ATF6: variants seen among roughly 807,000 people sequenced by gnomAD.
The protein encoded by ATF6 is activating transcription factor 6.
ATF6 carries 53 observed loss-of-function variants against 83.6 expected under a neutral mutation model. The observed-to-expected ratio is 0.63, with a 90% CI of 0.51 to 0.80. ATF6 has a LOEUF of 0.80. ATF6 is among the 30% of genes least tolerant of loss of function. The pLI, the probability that ATF6 is intolerant of heterozygous loss-of-function variation, is 0.00. For synonymous variants in ATF6, 288 were observed against 285.8 expected, an observed-to-expected ratio of 1.01 and a Z score of -0.08; for missense variants, 744 against 797.9, an observed-to-expected ratio of 0.93 and a Z score of 0.81.
intron 7 of ATF6, among the ~76,000 whole-genome samples, chr1:161,805,451 G>GCA (rs1685255372): frequency 6.6e-6 from 1 of 152,120 alleles, no homozygotes; most frequent in Non-Finnish European, 1.5e-5. Flanking sequence ...TACTTGGCCA[G>GCA]CACATCGAGA....
chr1:161,773,512 C>T (rs1238568199), intron 1 of ATF6, among the ~76,000 whole-genome samples: 1 of 152,124 alleles, frequency 6.6e-6, no homozygotes, highest in African/African-American at 2.4e-5. Flanking sequence ...GTGATCCACC[C>T]GCCTCGGCCT....
chr1:161,951,629 C>T (rs569579890), intron 15 of ATF6, among the ~76,000 whole-genome samples: 131 of 152,256 alleles, frequency 8.6e-4, no homozygotes, highest in African/African-American at 3.0e-3. Context: ...AGTTTAATTA[C>T]ACTTTGTAAC....
At chr1:161,790,138 T>G (rs369106125) in intron 4 of ATF6, among the ~76,000 whole-genome samples, 1 of 152,204 alleles carries the variant, frequency 6.6e-6, no homozygotes, top group Non-Finnish European at 1.5e-5. Context: ...ATCTTTTAAC[T>G]TTGTTTATGG....
chr1:161,902,017 G>A (rs12033967), intron 14 of ATF6, among the ~76,000 whole-genome samples: 21,873 of 151,932 alleles, frequency 0.14, 2,154 homozygotes, highest in East Asian at 0.33. Flanking sequence ...ACATCAAGAA[G>A]GTCATACTCA....
intron 7 of ATF6, among the ~76,000 whole-genome samples, chr1:161,816,086 A>T (rs1685604615): frequency 6.6e-6 from 1 of 152,272 alleles, no homozygotes; most frequent in African/African-American, 2.4e-5. Context: ...ATAAGTGTTT[A>T]CTAAGTGAAA....
intron 6 of ATF6, among the ~76,000 whole-genome samples, chr1:161,797,111 T>G (rs1685039572): frequency 6.6e-6 from 1 of 152,182 alleles, no homozygotes; most frequent in African/African-American, 2.4e-5. Flanking sequence ...TTATATGTTT[T>G]TACTTCATAA....
At chr1:161,900,268 A>G (rs1474172778) in intron 14 of ATF6, among the ~76,000 whole-genome samples, 1 of 152,176 alleles carries the variant, frequency 6.6e-6, no homozygotes, top group African/African-American at 2.4e-5. Context: ...ACTCTCATTT[A>G]TATCAATTAG....
chr1:161,895,493 T>G (rs948213548), intron 14 of ATF6, among the ~76,000 whole-genome samples: 8 of 152,244 alleles, frequency 5.3e-5, no homozygotes, highest in Non-Finnish European at 1.2e-4. Context: ...TTGATAGATA[T>G]CCCCTGATTC....
chr1:161,901,183 G>A (rs1446318179), intron 14 of ATF6, among the ~76,000 whole-genome samples: 1 of 151,950 alleles, frequency 6.6e-6, no homozygotes, highest in Non-Finnish European at 1.5e-5. Context: ...TTTTATTTTA[G>A]ATTTGGGGTA....
At chr1:161,816,957 G>A (rs1251368759) in intron 7 of ATF6, among the ~76,000 whole-genome samples, 1 of 152,106 alleles carries the variant, frequency 6.6e-6, no homozygotes, top group Non-Finnish European at 1.5e-5. Flanking sequence ...CCCTGTGTTT[G>A]GTGATAGCCG....
chr1:161,830,424 C>T (rs563501929), intron 9 of ATF6, among the ~76,000 whole-genome samples: 1 of 152,308 alleles, frequency 6.6e-6, no homozygotes, highest in East Asian at 1.9e-4. Flanking sequence ...CAATGACTTT[C>T]TTCACAGAAT....
Position 161,843,957 on chromosome 1 carries a change from C to T in ATF6, c.1188-2492C>T, listed in dbSNP as rs376925218. Among the ~76,000 whole-genome samples the T allele has an allele frequency of 2.0e-5, 3 of 152,212 alleles. No homozygotes were observed. In the South Asian group the frequency reaches 6.2e-4, roughly 32 times the overall value. ...TCAGCTGGATCCTAAAACTCAGTTACACAAATTCAGAGTTGAGGTGGGATA... is the reference window on the plus strand; with the variant it reads ...TCAGCTGGATCCTAAAACTCAGTTATACAAATTCAGAGTTGAGGTGGGATA... On this transcript the variant is annotated intron_variant, in intron 9 of 15. Coordinates refer to ENST00000367942, the MANE Select transcript of ATF6 (RefSeq NM_007348.4).
intron 15 of ATF6, among the ~76,000 whole-genome samples, chr1:161,937,536 C>T (rs1688561533): frequency 6.6e-6 from 1 of 151,936 alleles, no homozygotes. Context: ...GTCATGAAGG[C>T]AGAGCCCTCA....
intron 7 of ATF6, among the ~76,000 whole-genome samples, chr1:161,802,573 C>G (rs528983998): frequency 2.0e-5 from 3 of 152,164 alleles, no homozygotes; most frequent in Non-Finnish European, 2.9e-5. Flanking sequence ...TCTTCAAGCC[C>G]TTACACCCTC....
intron 6 of ATF6, among the ~76,000 whole-genome samples, chr1:161,799,323 G>T (rs1174603580): frequency 9.0e-4 from 137 of 152,302 alleles, no homozygotes; most frequent in Middle Eastern, 3.4e-3. Flanking sequence ...GATAATTAAT[G>T]CAGGAACAGA....
chr1:161,961,604 TG>T lies in ATF6; in HGVS notation c.*2955del, dbSNP rs1414306807. On this transcript the variant is annotated 3_prime_UTR_variant, in exon 16 of 16. Coordinates refer to ENST00000367942, the MANE Select transcript of ATF6 (RefSeq NM_007348.4). Reference sequence around the variant, plus strand: ...TTTTTTTTTTGGTGGGATTGCCTTTTGGGGGTTGCAGCCAGAAATTGTGGGT... The same window carrying T: ...TTTTTTTTTTGGTGGGATTGCCTTTTGGGGTTGCAGCCAGAAATTGTGGGT... The T allele has an allele frequency of 6.6e-6, 1 of 151,810 alleles. No homozygotes were observed. Among genetic ancestry groups the T allele is most frequent in the Non-Finnish European group, 1.5e-5 (1 of 67,974 alleles). 9.4% of individuals were successfully genotyped at this position (151,810 alleles called of 1,614,324 possible).
chr1:161,822,231 G>A (rs1203118623), intron 9 of ATF6, among the ~76,000 whole-genome samples: 1 of 152,118 alleles, frequency 6.6e-6, no homozygotes, highest in Non-Finnish European at 1.5e-5. Context: ...ACAAGTAGAG[G>A]AAGGAAAGTA....
intron 9 of ATF6, among the ~76,000 whole-genome samples, chr1:161,831,797 G>T (rs982894414): frequency 2.3e-5 from 3 of 132,918 alleles, no homozygotes; most frequent in Non-Finnish European, 4.8e-5. Flanking sequence ...GCCTGTGGTG[G>T]GGTCGGGGGA....
At chr1:161,813,447 A>G (rs1685523586) in intron 7 of ATF6, among the ~76,000 whole-genome samples, 1 of 152,254 alleles carries the variant, frequency 6.6e-6, no homozygotes, top group Non-Finnish European at 1.5e-5. Flanking sequence ...AGACCTTTAG[A>G]GGACTAATGA....
Sources: allele counts gnomAD v4.1 joint callset (sites outside exome capture counted in the v4.1 genomes callset), GRCh38; gene constraint gnomAD v4.1.1; transcripts MANE v1.5; gene names NCBI Gene and HGNC (gene_info 2026-07-23, HGNC 2026-07-21).